Variants in TENM3 observed in about 807,000 individuals in gnomAD.
TENM3 encodes teneurin transmembrane protein 3, also known as teneurin-3.
Under a neutral mutation model 255.1 loss-of-function variants are expected in TENM3, and 63 were observed. That is an observed-to-expected ratio of 0.25 (90% CI 0.20 to 0.30). TENM3 has a LOEUF of 0.30. Ranked by LOEUF, TENM3 falls within the 10% of genes least tolerant of loss-of-function variation. The pLI is 1.00. For missense variants in TENM3, 2,929 were observed against 3,461.1 expected, an observed-to-expected ratio of 0.85 and a Z score of 3.86; for synonymous variants, 1,306 against 1,322.3, an observed-to-expected ratio of 0.99 and a Z score of 0.27.
At chr4:181,526,498 C>G in the TENM3 span, among the ~76,000 whole-genome samples, 5 of 152,132 alleles carry the variant, frequency 3.3e-5, no homozygotes, top group Admixed American at 2.0e-4. Flanking sequence ...CTCAGCCAAA[C>G]AGGAGTAGGA....
intron 1 of TENM3, among the ~76,000 whole-genome samples, chr4:182,287,584 C>A (rs1045723418): frequency 2.9e-5 from 4 of 138,694 alleles, no homozygotes; most frequent in African/African-American, 1.2e-4. Flanking sequence ...TCCTAGTACA[C>A]TTTTCTTTCT....
At chr4:181,731,563 G>A in the TENM3 span, among the ~76,000 whole-genome samples, 1 of 152,046 alleles carries the variant, frequency 6.6e-6, no homozygotes, top group Admixed American at 6.5e-5. Context: ...ATGTTGCCCA[G>A]GCTGGTCTCA....
chr4:182,314,694 A>C (rs1423616718), intron 1 of TENM3, among the ~76,000 whole-genome samples: 3 of 152,242 alleles, frequency 2.0e-5, no homozygotes, highest in Admixed American at 2.0e-4. Context: ...ATAGCATCTA[A>C]TTGGATCTTT....
At chr4:182,647,665 G>C (rs1752874407) in intron 5 of TENM3, among the ~76,000 whole-genome samples, 1 of 152,142 alleles carries the variant, frequency 6.6e-6, no homozygotes, top group Non-Finnish European at 1.5e-5. Flanking sequence ...TGACTATTGT[G>C]AATAGTGCTG....
At chr4:182,195,023 TCACACA>T (rs70954299) in intron 1 of TENM3, among the ~76,000 whole-genome samples, 6,676 of 147,004 alleles carry the variant, frequency 0.045, 382 homozygotes, top group African/African-American at 0.13. Flanking sequence ...ACAGTCTCTA[TCACACA>T]CACACACACA....
chr4:181,787,346 T>TA, the TENM3 span, among the ~76,000 whole-genome samples: 1 of 151,690 alleles, frequency 6.6e-6, no homozygotes, highest in African/African-American at 2.4e-5. Context: ...CCATCTTTTT[T>TA]TTTTTTTTTT....
intron 1 of TENM3, among the ~76,000 whole-genome samples, chr4:182,161,212 C>G (rs1157136878): frequency 1.4e-5 from 2 of 139,898 alleles, no homozygotes; most frequent in Non-Finnish European, 3.1e-5. Context: ...GTCAGGAGAT[C>G]GAGACCATCC....
chr4:182,106,558 G>A, the TENM3 span, among the ~76,000 whole-genome samples: 1 of 152,176 alleles, frequency 6.6e-6, no homozygotes, highest in African/African-American at 2.4e-5. Flanking sequence ...CAAACTAAAT[G>A]TCCTATAGGT....
At chr4:182,487,961 G>T (rs186056200) in intron 3 of TENM3, among the ~76,000 whole-genome samples, 1 of 152,284 alleles carries the variant, frequency 6.6e-6, no homozygotes, top group Non-Finnish European at 1.5e-5. Flanking sequence ...AGGAAGTTAT[G>T]TATGGCAATA....
intron 20 of TENM3, among the ~76,000 whole-genome samples, chr4:182,752,575 GAT>G (rs1207906635): frequency 1.3e-5 from 2 of 152,180 alleles, no homozygotes; most frequent in Non-Finnish European, 2.9e-5. Context: ...AGGCAGGAAT[GAT>G]TCCCTGCTCA....
the TENM3 span, among the ~76,000 whole-genome samples, chr4:181,809,114 T>C: frequency 6.6e-6 from 1 of 152,052 alleles, no homozygotes; most frequent in South Asian, 2.1e-4. Context: ...ATCACAGGAG[T>C]GGCTTCAATG....
Position 182,737,187 on chromosome 4 carries a change from AG to A in TENM3, c.3235+114del, listed in dbSNP as rs1761235500. On this transcript the variant is annotated intron_variant, in intron 17 of 27. Coordinates refer to ENST00000511685, the MANE Select transcript of TENM3 (RefSeq NM_001080477.4). ...GGATAAACAGAATATAAAGAGAATAAGGTTGTCCTAGGGATATTATACCTTG... is the reference window on the plus strand; with the variant it reads ...GGATAAACAGAATATAAAGAGAATAAGTTGTCCTAGGGATATTATACCTTG... 2.7e-6 allele frequency: 3 copies of A among 1,129,348 alleles called. No homozygotes were observed. The East Asian group carries it at 7.1e-5, about 27-fold the overall frequency. The allele number at this position is 1,129,348 out of a possible 1,614,324, so 70.0% of individuals were successfully genotyped here. A position where few individuals can be genotyped will look rare whatever the true frequency, so the allele number is the denominator to read the frequency against.
chr4:182,166,150 A>T lies in TENM3; in HGVS notation c.-76+21396A>T, dbSNP rs146490234. On this transcript the variant is annotated intron_variant, in intron 1 of 2. Coordinates refer to the TENM3 transcript ENST00000512480. ...TTACTCCGTTGTCCCGTTGGTAAAGACTACCAAATTTAATGTGGCTGTTTC... is the reference window on the plus strand; with the variant it reads ...TTACTCCGTTGTCCCGTTGGTAAAGTCTACCAAATTTAATGTGGCTGTTTC... 2.6e-4 allele frequency among the ~76,000 whole-genome samples: 39 copies of T among 152,332 alleles called. No individual in the cohort carries two copies. The East Asian group carries it at 7.1e-3, about 28-fold the overall frequency.
upstream of TENM3, chr4:182,141,938 A>C (rs1007137574): frequency 2.0e-5 from 3 of 152,192 alleles, no homozygotes; most frequent in African/African-American, 7.2e-5. Context: ...GTAGACAGTA[A>C]GAGGGAGTCT....
chr4:181,915,663 AG>A, the TENM3 span, among the ~76,000 whole-genome samples: 2 of 83,684 alleles, frequency 2.4e-5, no homozygotes, highest in East Asian at 7.6e-4. Context: ...CAGAGAGGGG[AG>A]GGGAGGACGG....
At chr4:181,688,146 T>A in the TENM3 span, among the ~76,000 whole-genome samples, 1 of 152,122 alleles carries the variant, frequency 6.6e-6, no homozygotes, top group South Asian at 2.1e-4. Context: ...TTTGGACAAA[T>A]AAATTCCATA....
At chr4:182,376,223 C>T (rs1767171297) in intron 3 of TENM3, among the ~76,000 whole-genome samples, 1 of 152,146 alleles carries the variant, frequency 6.6e-6, no homozygotes, top group African/African-American at 2.4e-5. Flanking sequence ...AAAAATAATT[C>T]TAACAGTTCT....
At chr4:182,103,438 T>G in the TENM3 span, among the ~76,000 whole-genome samples, 1 of 152,358 alleles carries the variant, frequency 6.6e-6, no homozygotes, top group East Asian at 1.9e-4. Flanking sequence ...GTAAGTGAAC[T>G]CAATCAATGG....
the TENM3 span, among the ~76,000 whole-genome samples, chr4:181,704,980 G>C: frequency 1.3e-5 from 2 of 150,334 alleles, no homozygotes; most frequent in Non-Finnish European, 2.9e-5. Context: ...AGTGAGCCCA[G>C]ATCACACCAC....
Sources: gnomAD v4.1 joint callset for allele counts (sites outside exome capture counted in the v4.1 genomes callset) on GRCh38, gnomAD v4.1.1 for gene constraint, MANE v1.5 for transcripts, NCBI Gene and HGNC (gene_info 2026-07-23, HGNC 2026-07-21) for gene names.